Variants in RAB11FIP3 observed in about 807,000 individuals in gnomAD.
RAB11FIP3 encodes rab11 family-interacting protein 3.
Under a neutral mutation model 77.8 loss-of-function variants are expected in RAB11FIP3, and 17 were observed. The observed-to-expected ratio is 0.22, with a 90% CI of 0.15 to 0.33. The LOEUF (loss-of-function observed/expected upper bound fraction) is 0.33. RAB11FIP3 is among the 10% of genes least tolerant of loss of function. The probability of loss-of-function intolerance (pLI) is 1.00; values close to 1 mark genes in which losing one functional copy is unlikely to be tolerated. For synonymous variants in RAB11FIP3, 437 were observed against 448.2 expected, an observed-to-expected ratio of 0.98 and a Z score of 0.31; for missense variants, 1,005 against 1,011.2, an observed-to-expected ratio of 0.99 and a Z score of 0.08.
At chr16:459,020 C>T (rs929560132) in intron 1 of RAB11FIP3, among the ~76,000 whole-genome samples, 7 of 151,934 alleles carry the variant, frequency 4.6e-5, no homozygotes, top group African/African-American at 4.8e-5. Flanking sequence ...TATTTCAGTA[C>T]ATGTGTCTAA....
intron 3 of RAB11FIP3, among the ~76,000 whole-genome samples, chr16:476,383 G>C: frequency 6.6e-6 from 1 of 152,188 alleles, no homozygotes; most frequent in Non-Finnish European, 1.5e-5. Flanking sequence ...GCCTGCAGGG[G>C]CACCATCCTC....
chr16:426,068 C>T lies in RAB11FIP3; in HGVS notation c.62C>T (p.Pro21Leu). ...GSEPPGPDPE[P>L]GGPDGPGAAQ... ...GAGCCGCCGGGGCCCGACCCGGAGC[C>T]GGGCGGGCCGGACGGGCCGGGGGCG... The change falls in exon 1 of 14, where the codon CCG becomes CTG. Residue 21 changes from proline (P) to leucine (L), a missense_variant. This residue lies in a region of RAB11FIP3 where 466 missense variants were observed against 408.3 expected (regional missense o/e 1.14). Transcript: ENST00000262305. The surrounding 1 kb of genome is among the most constrained non-coding windows in gnomAD (Gnocchi z 5.0). 2 of 1,000,338 alleles carry T rather than the reference C, an allele frequency of 2.0e-6. No homozygotes were observed. Among genetic ancestry groups the T allele is most frequent in the East Asian group, 1.1e-4 (1 of 9,518 alleles). 62.0% of individuals were successfully genotyped at this position (1,000,338 alleles called of 1,614,324 possible).
At chr16:465,886 T>G (rs570893963) in intron 2 of RAB11FIP3, among the ~76,000 whole-genome samples, 19 of 152,338 alleles carry the variant, frequency 1.2e-4, no homozygotes, top group African/African-American at 3.8e-4. Context: ...ATTACAGACG[T>G]GAGCCACCGC....
intron 6 of RAB11FIP3, among the ~76,000 whole-genome samples, chr16:499,452 A>T (rs749351535): frequency 5.9e-5 from 9 of 152,128 alleles, no homozygotes; most frequent in Non-Finnish European, 8.8e-5. Flanking sequence ...TTGTGTCAGA[A>T]ACACCCTTTA....
chr16:437,395 C>A lies in RAB11FIP3; in HGVS notation c.714+10675C>A, dbSNP rs577954594. On this transcript the variant is annotated intron_variant, in intron 1 of 13. Coordinates refer to ENST00000262305, the MANE Select transcript of RAB11FIP3 (RefSeq NM_014700.4). The stretch of plus-strand genomic sequence containing the variant: ...ACCAGTGTGGCCAACATGGTGAAAC[C>A]CCATCTCTAATAAAAATACAAAAAA... 5.3e-5 allele frequency among the ~76,000 whole-genome samples: 8 copies of A among 151,528 alleles called. No homozygotes were observed. In the East Asian group the frequency reaches 1.6e-3, roughly 30 times the overall value.
intron 4 of RAB11FIP3, among the ~76,000 whole-genome samples, chr16:485,813 A>G (rs1006193589): frequency 2.6e-5 from 4 of 152,262 alleles, no homozygotes; most frequent in African/African-American, 9.6e-5. Context: ...CTTACTACAC[A>G]GTCACTATGA....
At chr16:441,769 A>T (rs1387353488) in intron 1 of RAB11FIP3, among the ~76,000 whole-genome samples, 1 of 152,186 alleles carries the variant, frequency 6.6e-6, no homozygotes, top group Non-Finnish European at 1.5e-5. Context: ...TGAGTGACTG[A>T]TACTTTTGAT....
At chr16:491,908 C>T (rs1263305564) in intron 5 of RAB11FIP3, among the ~76,000 whole-genome samples, 5 of 152,232 alleles carry the variant, frequency 3.3e-5, no homozygotes, top group South Asian at 2.1e-4. Context: ...CAGCCCTAGC[C>T]TAGCAGAAGA....
chr16:447,965 A>C (rs997108477), intron 1 of RAB11FIP3, among the ~76,000 whole-genome samples: 3 of 150,182 alleles, frequency 2.0e-5, no homozygotes, highest in Non-Finnish European at 3.0e-5. Context: ...AATTTAAAAT[A>C]GTGGAACAAA....
At chr16:442,923 G>A (rs560798829) in intron 1 of RAB11FIP3, among the ~76,000 whole-genome samples, 1 of 151,920 alleles carries the variant, frequency 6.6e-6, no homozygotes, top group Non-Finnish European at 1.5e-5. Flanking sequence ...TTCCAACATC[G>A]GGTGGGTTGG....
intron 2 of RAB11FIP3, among the ~76,000 whole-genome samples, chr16:467,731 A>G (rs1191681785): frequency 1.5e-4 from 8 of 52,128 alleles, no homozygotes; most frequent in Non-Finnish European, 2.1e-4. Context: ...GGCCTCAGGG[A>G]GGAGGTGCAG....
At chr16:443,098 C>T (rs2055253777) in intron 1 of RAB11FIP3, among the ~76,000 whole-genome samples, 1 of 152,050 alleles carries the variant, frequency 6.6e-6, no homozygotes. Flanking sequence ...TTTTTAAGAA[C>T]CCTCTTCAGG....
At chr16:492,867 G>A (rs546579267) in intron 5 of RAB11FIP3, among the ~76,000 whole-genome samples, 1 of 152,156 alleles carries the variant, frequency 6.6e-6, no homozygotes, top group African/African-American at 2.4e-5. Flanking sequence ...CTTTGTGGGG[G>A]CAGAGAAGGG....
intron 9 of RAB11FIP3, among the ~76,000 whole-genome samples, chr16:513,570 A>T (rs1462905664): frequency 6.6e-6 from 1 of 152,214 alleles, no homozygotes; most frequent in Non-Finnish European, 1.5e-5. Flanking sequence ...TGCTGGGATT[A>T]TGGGCATGAG....
chr16:488,943 C>T lies in RAB11FIP3; in HGVS notation c.1208C>T (p.Pro403Leu). Residue 403 changes from proline (P) to leucine (L), a missense_variant, in exon 5 of 14, where the codon CCA becomes CTA. Physicochemically the swap from Pro to Leu is moderately conservative, Grantham distance 98 (BLOSUM62 -3). Around this residue, in one of 4 missense-constraint regions of RAB11FIP3, gnomAD observed 433 missense variants for 436.1 expected, o/e 0.99. Coordinates refer to ENST00000262305, the MANE Select transcript of RAB11FIP3 (RefSeq NM_014700.4). ...GAAGGCAGTGAGGCGGAGCTGTCCC[C>T]AGAGACCCTATGCAACGGGCAGCTG... Reference protein sequence around the residue: ...YGEGSEAELSPETLCNGQLGC... With the variant: ...YGEGSEAELSLETLCNGQLGC... 1 of 1,614,070 alleles carries T rather than the reference C, an allele frequency of 6.2e-7. No homozygotes were observed. The highest frequency in any genetic ancestry group is 8.5e-7 in the Non-Finnish European group (1 of 1,180,006).
At chr16:490,629 G>A (rs541905562) in intron 5 of RAB11FIP3, among the ~76,000 whole-genome samples, 4 of 152,224 alleles carry the variant, frequency 2.6e-5, no homozygotes, top group African/African-American at 4.8e-5. Flanking sequence ...CGGCTTTAAC[G>A]CACATCTTAA....
intron 2 of RAB11FIP3, among the ~76,000 whole-genome samples, chr16:463,427 C>T (rs1284451258): frequency 1.4e-5 from 2 of 144,960 alleles, no homozygotes; most frequent in Non-Finnish European, 3.0e-5. Flanking sequence ...GTGTTGTTCC[C>T]CGGTTTTTTT....
chr16:448,895 A>C (rs563407476), intron 1 of RAB11FIP3, among the ~76,000 whole-genome samples: 15 of 151,758 alleles, frequency 9.9e-5, no homozygotes, highest in Non-Finnish European at 1.9e-4. Flanking sequence ...AGCCTGGGCA[A>C]CAAGAGTGAA....
At chr16:456,998 G>C (rs2055515412) in intron 1 of RAB11FIP3, among the ~76,000 whole-genome samples, 1 of 152,052 alleles carries the variant, frequency 6.6e-6, no homozygotes, top group East Asian at 1.9e-4. Context: ...TGCTGATCTA[G>C]TGTGAAGTTT....
Sources: gnomAD v4.1 joint callset for allele counts (sites outside exome capture counted in the v4.1 genomes callset) on GRCh38, gnomAD v4.1.1 for gene constraint, gnomAD v4.1.1 regional missense constraint, Gnocchi (gnomAD v3.1) non-coding constraint, MANE v1.5 for transcripts, NCBI Gene and HGNC (gene_info 2026-07-23, HGNC 2026-07-21) for gene names.